The following PIK3C2G variants were observed in gnomAD, a reference collection of about 807,000 sequenced individuals.
PIK3C2G encodes the protein phosphatidylinositol 3-kinase C2 domain-containing subunit gamma.
A neutral mutation model predicts 181.1 loss-of-function variants in PIK3C2G; 168 were observed. The ratio of observed to expected loss-of-function variants is 0.93; its 90% CI spans 0.82 to 1.05. PIK3C2G has a LOEUF of 1.05. Ranked by LOEUF, PIK3C2G falls within the 50% of genes least tolerant of loss-of-function variation. The pLI is 0.00. For missense variants in PIK3C2G, 1,869 were observed against 1,732.8 expected (o/e 1.08, Z -1.40); for synonymous variants, 573 against 592.2 (o/e 0.97, Z 0.47).
intron 1 of PIK3C2G, among the ~76,000 whole-genome samples, chr12:18,252,882 G>A (rs545617361): frequency 7.6e-4 from 115 of 152,200 alleles, no homozygotes; most frequent in South Asian, 3.5e-3. Flanking sequence ...ATGCCAAAAT[G>A]CCATATTTTG....
At chr12:18,400,180 C>A (rs759706857) in intron 16 of PIK3C2G, among the ~76,000 whole-genome samples, 1 of 152,066 alleles carries the variant, frequency 6.6e-6, no homozygotes, top group Non-Finnish European at 1.5e-5. Context: ...AAATTAGGAT[C>A]ATTTTTGTAC....
intron 24 of PIK3C2G, among the ~76,000 whole-genome samples, chr12:18,522,599 G>T (rs1364216782): frequency 6.6e-6 from 1 of 150,738 alleles, no homozygotes; most frequent in Non-Finnish European, 1.5e-5. Context: ...TGCAAAATCT[G>T]TTTAAAGTCA....
rs573284568 is a variant in PIK3C2G at position 18,615,637 on chromosome 12, T to C, written c.4182+6008T>C. On this transcript the variant is annotated intron_variant, in intron 31 of 32. Coordinates refer to ENST00000538779, the MANE Select transcript of PIK3C2G (RefSeq NM_001288772.2). Reference sequence around the variant, plus strand: ...ATGGTAGCTCTACTTTTTTTCTATATTTCAATTCATTCTTTTACTCATATA... The same window carrying C: ...ATGGTAGCTCTACTTTTTTTCTATACTTCAATTCATTCTTTTACTCATATA... Among the ~76,000 whole-genome samples, 54 of 152,062 alleles carry C rather than the reference T, an allele frequency of 3.6e-4. 1 individual carries two copies. In the South Asian group the frequency reaches 7.1e-3, roughly 20 times the overall value.
chr12:18,368,121 C>T (rs1941771892), intron 12 of PIK3C2G, among the ~76,000 whole-genome samples: 1 of 152,130 alleles, frequency 6.6e-6, no homozygotes, highest in Non-Finnish European at 1.5e-5. Flanking sequence ...TCTCTCAACA[C>T]CTGGGGATTA....
chr12:18,701,714 T>C, the PIK3C2G span: 4 of 1,612,996 alleles, frequency 2.5e-6, no homozygotes, highest in South Asian at 1.1e-5. Flanking sequence ...AACCTTTTCT[T>C]TCATGGGTTT....
intron 8 of PIK3C2G, among the ~76,000 whole-genome samples, chr12:18,325,302 G>C (rs148328503): frequency 1.6e-4 from 24 of 152,306 alleles, no homozygotes; most frequent in African/African-American, 5.3e-4. Context: ...AGGAAAGACT[G>C]TATGTACACA....
the PIK3C2G span, chr12:18,696,322 CTA>C: frequency 2.4e-3 from 641 of 267,688 alleles, 29 homozygotes; most frequent in Middle Eastern, 4.9e-3. Flanking sequence ...TAAAAAGCCA[CTA>C]TATATATATA....
intron 18 of PIK3C2G, among the ~76,000 whole-genome samples, chr12:18,433,798 C>A (rs377227943): frequency 6.6e-6 from 1 of 152,114 alleles, no homozygotes; most frequent in African/African-American, 2.4e-5. Flanking sequence ...TGGGAAAGAA[C>A]ATGACAATAA....
At chr12:18,699,970 A>T in the PIK3C2G span, 1 of 1,597,998 alleles carries the variant, frequency 6.3e-7, no homozygotes, top group East Asian at 2.2e-5. Flanking sequence ...AAATGCAGTA[A>T]TTTTACATTT....
At chr12:18,424,946 G>T (rs1057425184) in intron 18 of PIK3C2G, 1 of 204,052 alleles carries the variant, frequency 4.9e-6, no homozygotes, top group Non-Finnish European at 1.1e-5. Context: ...AACGTTCAGG[G>T]TGTCTATAGT....
intron 18 of PIK3C2G, among the ~76,000 whole-genome samples, chr12:18,425,683 C>T (rs1945767522): frequency 1.3e-5 from 2 of 152,016 alleles, no homozygotes; most frequent in Non-Finnish European, 1.5e-5. Context: ...AGACACCAAG[C>T]CCAGCTGACA....
chr12:18,266,896 T>A (rs1036434369), intron 1 of PIK3C2G, among the ~76,000 whole-genome samples: 9 of 152,056 alleles, frequency 5.9e-5, no homozygotes, highest in Non-Finnish European at 1.3e-4. Context: ...GCTTCATTTT[T>A]AAAATATCAC....
At chr12:18,401,886 G>T (rs1303544742) in intron 16 of PIK3C2G, among the ~76,000 whole-genome samples, 2 of 152,112 alleles carry the variant, frequency 1.3e-5, no homozygotes, top group African/African-American at 2.4e-5. Flanking sequence ...AAGTGTTGAT[G>T]AGGATATGGA....
the PIK3C2G span, among the ~76,000 whole-genome samples, chr12:18,720,916 A>T: frequency 6.6e-6 from 1 of 152,152 alleles, no homozygotes; most frequent in Non-Finnish European, 1.5e-5. Context: ...ATGACATCAT[A>T]AAAATGAAGA....
At chr12:18,358,284 C>T (rs997435865) in intron 11 of PIK3C2G, among the ~76,000 whole-genome samples, 2 of 152,228 alleles carry the variant, frequency 1.3e-5, no homozygotes, top group East Asian at 1.9e-4. Context: ...TAGGCACTTG[C>T]ATCCCACACT....
intron 1 of PIK3C2G, among the ~76,000 whole-genome samples, chr12:18,252,270 G>A (rs1719613816): frequency 6.6e-6 from 1 of 152,224 alleles, no homozygotes; most frequent in Admixed American, 6.5e-5. Context: ...TCACCCTGCT[G>A]TAATCAAGCC....
intron 14 of PIK3C2G, among the ~76,000 whole-genome samples, chr12:18,388,394 C>G (rs1943314470): frequency 6.6e-6 from 1 of 152,182 alleles, no homozygotes; most frequent in Non-Finnish European, 1.5e-5. Context: ...TGTGCCTCAG[C>G]CTCCCAAGTA....
At chr12:18,706,087 G>T in the PIK3C2G span, among the ~76,000 whole-genome samples, 1 of 151,878 alleles carries the variant, frequency 6.6e-6, no homozygotes, top group African/African-American at 2.4e-5. Context: ...AAGAAAATTA[G>T]CTAGGCGTGG....
chr12:18,600,709 T>C (rs988045670), intron 30 of PIK3C2G, among the ~76,000 whole-genome samples: 3 of 152,034 alleles, frequency 2.0e-5, no homozygotes, highest in African/African-American at 2.4e-5. Flanking sequence ...CTGTCTGAAA[T>C]TGATAATTTT....
Sources: allele counts gnomAD v4.1 joint callset (sites outside exome capture counted in the v4.1 genomes callset), GRCh38; gene constraint gnomAD v4.1.1; transcripts MANE v1.5; gene names NCBI Gene and HGNC (gene_info 2026-07-23, HGNC 2026-07-21).